The following NAA25 variants were observed in gnomAD, a reference collection of about 807,000 sequenced individuals.
NAA25 encodes the protein N-alpha-acetyltransferase 25, NatB auxiliary subunit.
NAA25 carries 30 observed loss-of-function variants against 132.5 expected under a neutral mutation model. The ratio of observed to expected loss-of-function variants is 0.23; its 90% CI spans 0.17 to 0.31. The LOEUF (loss-of-function observed/expected upper bound fraction) is 0.31, where lower values mean the gene tolerates loss of function less well. Among genes scored for constraint, NAA25 ranks in the 10% least tolerant of loss-of-function variants. The pLI is 1.00. For synonymous variants in NAA25, 359 were observed against 401.9 expected (o/e 0.89, Z 1.28); for missense variants, 771 against 1,150.4 (o/e 0.67, Z 4.77).
In NAA25 at chr12:112,079,571, G is replaced by GA. The variant is rs760605292; in HGVS notation, c.478-831dup. Among the ~76,000 whole-genome samples the GA allele has an allele frequency of 6.8e-3, 904 of 133,638 alleles. 2 individuals carry two copies. The highest frequency in any genetic ancestry group is 0.012 in the Middle Eastern group (3 of 252). The allele number at this position is 133,638 out of a possible 152,430, so 87.7% of individuals were successfully genotyped here. A position where few individuals can be genotyped will look rare whatever the true frequency, so the allele number is the denominator to read the frequency against. Reference sequence around the variant, plus strand: ...CCACTGCACTCCAGCTTGGACAACAGAAAAAAAAAAAAACTAAGGTTAAGA... The same window carrying GA: ...CCACTGCACTCCAGCTTGGACAACAGAAAAAAAAAAAAAACTAAGGTTAAGA... On this transcript the variant is annotated intron_variant, in intron 5 of 23. Coordinates refer to ENST00000261745, the MANE Select transcript of NAA25 (RefSeq NM_024953.4).
chr12:112,107,941 T>C (rs1218853771), intron 1 of NAA25, among the ~76,000 whole-genome samples: 2 of 152,166 alleles, frequency 1.3e-5, no homozygotes, highest in Admixed American at 1.3e-4. Flanking sequence ...GTCTGCGGGT[T>C]GAGGTAAGAG....
intron 4 of NAA25, among the ~76,000 whole-genome samples, chr12:112,083,866 C>A (rs1377044545): frequency 6.6e-6 from 1 of 152,120 alleles, no homozygotes; most frequent in Non-Finnish European, 1.5e-5. Context: ...GAAATCCCAA[C>A]TCTACAAAAA....
At chr12:112,056,695 G>T (rs986141535) in intron 13 of NAA25, among the ~76,000 whole-genome samples, 6 of 152,122 alleles carry the variant, frequency 3.9e-5, no homozygotes, top group African/African-American at 1.4e-4. Flanking sequence ...CTTGAACAAT[G>T]ATTATGACTG....
chr12:112,075,849 T>C (rs2078888607), intron 7 of NAA25, 60 bp from the exon 8 acceptor site: 1 of 1,325,324 alleles, frequency 7.5e-7, no homozygotes, highest in South Asian at 1.2e-5. Flanking sequence ...ATAACCAGAA[T>C]AGAGTCCAAC....
chr12:112,083,729 A>G (rs886079595), intron 4 of NAA25, among the ~76,000 whole-genome samples: 13 of 152,128 alleles, frequency 8.5e-5, no homozygotes, highest in African/African-American at 3.1e-4. Context: ...AAAAATAATA[A>G]TTTTGTCTTT....
At chr12:112,093,683 C>T (rs2079170726) in intron 1 of NAA25, among the ~76,000 whole-genome samples, 1 of 152,054 alleles carries the variant, frequency 6.6e-6, no homozygotes, top group African/African-American at 2.4e-5. Context: ...AATTCGAGAC[C>T]AGCTCTGACA....
chr12:112,102,769 C>A (rs1044963225), intron 1 of NAA25, among the ~76,000 whole-genome samples: 12 of 151,544 alleles, frequency 7.9e-5, no homozygotes, highest in African/African-American at 2.9e-4. Flanking sequence ...TCACTGCAAC[C>A]TCCGCCTCCT....
At chr12:112,047,207 T>A (rs533376128) in intron 17 of NAA25, among the ~76,000 whole-genome samples, 10 of 151,924 alleles carry the variant, frequency 6.6e-5, no homozygotes, top group Non-Finnish European at 1.2e-4. Context: ...TTGTTTTTTT[T>A]AATTTTAGAT....
At chr12:112,055,637 T>C (rs2078533276) in intron 13 of NAA25, among the ~76,000 whole-genome samples, 1 of 151,544 alleles carries the variant, frequency 6.6e-6, no homozygotes, top group Non-Finnish European at 1.5e-5. Flanking sequence ...GCCTAGGAGG[T>C]TGAGGCTGCA....
chr12:112,047,563 C>G, intron 17 of NAA25, 102 bp downstream of exon 17: 1 of 1,375,410 alleles, frequency 7.3e-7, no homozygotes, highest in Non-Finnish European at 1.0e-6. Flanking sequence ...AACTGCTTCA[C>G]CCAGGAGTTC....
At chr12:112,052,941 G>C (rs995041497) in intron 15 of NAA25, among the ~76,000 whole-genome samples, 9 of 152,190 alleles carry the variant, frequency 5.9e-5, no homozygotes, top group Non-Finnish European at 1.3e-4. Flanking sequence ...AGACCGTATG[G>C]TTTTCCTACA....
At chr12:112,048,148 C>T (rs908297950) in intron 16 of NAA25, 144 bp downstream of exon 16, 8 of 758,356 alleles carry the variant, frequency 1.1e-5, no homozygotes, top group Admixed American at 8.7e-5. Context: ...ATGACATGTG[C>T]CAAGTTCTGT....
Position 112,040,463 on chromosome 12 carries a change from A to C in NAA25, c.2538+18T>G. The C allele has an allele frequency of 7.0e-7, 1 of 1,431,990 alleles. No individual in the cohort carries two copies. The highest frequency in any genetic ancestry group is 9.8e-7 in the Non-Finnish European group (1 of 1,021,588). The allele number at this position is 1,431,990 out of a possible 1,614,324, so 88.7% of individuals were successfully genotyped here. ...ATTAAGAACAACAATGTCTTTTAGGAAGAGAACAAAAACTTACCTCAACAA... is the reference window on the plus strand; with the variant it reads ...ATTAAGAACAACAATGTCTTTTAGGCAGAGAACAAAAACTTACCTCAACAA... On this transcript the variant is annotated intron_variant, in intron 21 of 23. Coordinates refer to ENST00000261745, the MANE Select transcript of NAA25 (RefSeq NM_024953.4).
At chr12:112,083,086 T>A (rs2078996079) in intron 4 of NAA25, among the ~76,000 whole-genome samples, 1 of 152,088 alleles carries the variant, frequency 6.6e-6, no homozygotes, top group Non-Finnish European at 1.5e-5. Flanking sequence ...GAACAGTATC[T>A]CAGCAGTACT....
At chr12:112,084,982 AG>A (rs1282344729) in intron 4 of NAA25, among the ~76,000 whole-genome samples, 3 of 152,106 alleles carry the variant, frequency 2.0e-5, no homozygotes, top group Admixed American at 6.5e-5. Flanking sequence ...CTGTAATCCC[AG>A]CACTTTGGGA....
At chr12:112,083,321 A>G (rs74812534) in intron 4 of NAA25, among the ~76,000 whole-genome samples, 2,331 of 152,274 alleles carry the variant, frequency 0.015, 71 homozygotes, top group African/African-American at 0.053. Flanking sequence ...GATAAAAGTA[A>G]TGGTGAAACC....
At chr12:112,101,675 T>C (rs545707092) in intron 1 of NAA25, among the ~76,000 whole-genome samples, 78 of 151,958 alleles carry the variant, frequency 5.1e-4, no homozygotes, top group African/African-American at 1.9e-3. Context: ...GAGAATCACT[T>C]GAATCCAGGA....
At chr12:112,039,975 G>A (rs2078280271) in intron 21 of NAA25, 1 of 155,776 alleles carries the variant, frequency 6.4e-6, no homozygotes. Flanking sequence ...AGAGTAGTAA[G>A]GGGAGAACAG....
chr12:112,105,045 C>T (rs1013206044), intron 1 of NAA25, among the ~76,000 whole-genome samples: 4 of 148,648 alleles, frequency 2.7e-5, no homozygotes, highest in Admixed American at 1.3e-4. Context: ...ATGGGCAGGG[C>T]GCAGTGGCTC....
Sources: allele counts gnomAD v4.1 joint callset (sites outside exome capture counted in the v4.1 genomes callset), GRCh38; gene constraint gnomAD v4.1.1; transcripts MANE v1.5; gene names NCBI Gene and HGNC (gene_info 2026-07-23, HGNC 2026-07-21).